The following AKT3 variants were observed in gnomAD, a reference collection of about 807,000 sequenced individuals.
The protein encoded by AKT3 is AKT serine/threonine kinase 3.
AKT3 carries 15 observed loss-of-function variants against 65.3 expected under a neutral mutation model. The observed-to-expected ratio is 0.23, with a 90% CI of 0.15 to 0.35. The LOEUF is 0.35. Ranked by LOEUF, AKT3 falls within the 10% of genes least tolerant of loss-of-function variation. The pLI, the probability that AKT3 is intolerant of heterozygous loss-of-function variation, is 1.00. For missense variants in AKT3, 243 were observed against 576.5 expected (o/e 0.42, Z 5.92); for synonymous variants, 206 against 183.8 (o/e 1.12, Z -0.98).
chr1:243,815,611 T>C (rs1383728410), intron 2 of AKT3, among the ~76,000 whole-genome samples: 2 of 147,836 alleles, frequency 1.4e-5, no homozygotes, highest in African/African-American at 5.0e-5. Context: ...CCAAAATCTA[T>C]ATTGCTTTTT....
At chr1:243,515,511 T>A (rs1670294479) in intron 12 of AKT3, among the ~76,000 whole-genome samples, 1 of 152,218 alleles carries the variant, frequency 6.6e-6, no homozygotes, top group South Asian at 2.1e-4. Context: ...ATCATTTCCT[T>A]CGTACTCTGT....
intron 2 of AKT3, among the ~76,000 whole-genome samples, chr1:243,701,888 A>C (rs1255286886): frequency 6.6e-6 from 1 of 152,124 alleles, no homozygotes; most frequent in Non-Finnish European, 1.5e-5. Context: ...AACAAGTATA[A>C]GCTCAGCTTT....
Position 243,814,995 on chromosome 1 carries a change from C to T in AKT3, c.46+28130G>A, listed in dbSNP as rs182522933. Among the ~76,000 whole-genome samples the T allele has an allele frequency of 3.9e-5, 6 of 152,256 alleles. No individual in the cohort carries two copies. The East Asian group carries it at 1.2e-3, about 29-fold the overall frequency. On this transcript the variant is annotated intron_variant, in intron 2 of 13. Coordinates refer to ENST00000673466, the MANE Select transcript of AKT3 (RefSeq NM_005465.7). ...ACTTTAAAGTCACAACTTCAAAACA[C>T]CTGGATATTTCTAAGGTCTTAAAGG... is the stretch of plus-strand genomic sequence containing the variant.
At chr1:243,643,715 A>G (rs1250208292) in intron 5 of AKT3, among the ~76,000 whole-genome samples, 1 of 152,220 alleles carries the variant, frequency 6.6e-6, no homozygotes, top group Non-Finnish European at 1.5e-5. Flanking sequence ...TAGCAGTCTG[A>G]CAACTGTCAC....
At chr1:243,556,114 T>C (rs1010234445) in intron 10 of AKT3, among the ~76,000 whole-genome samples, 3 of 152,108 alleles carry the variant, frequency 2.0e-5, no homozygotes, top group Non-Finnish European at 4.4e-5. Context: ...GTATTTCTAA[T>C]AGGAGCCAGA....
At chr1:243,616,036 G>C (rs1305348069) in intron 6 of AKT3, among the ~76,000 whole-genome samples, 1 of 151,648 alleles carries the variant, frequency 6.6e-6, no homozygotes, top group East Asian at 1.9e-4. Context: ...TTTTTCCTTT[G>C]GTTGGGGGCG....
At chr1:243,686,144 T>C (rs186511197) in intron 3 of AKT3, among the ~76,000 whole-genome samples, 3 of 152,254 alleles carry the variant, frequency 2.0e-5, no homozygotes, top group Admixed American at 1.3e-4. Context: ...TGCTCATGGA[T>C]AGAAAGGATC....
At chr1:243,631,868 C>G (rs1237304980) in intron 6 of AKT3, among the ~76,000 whole-genome samples, 1 of 152,220 alleles carries the variant, frequency 6.6e-6, no homozygotes, top group Non-Finnish European at 1.5e-5. Context: ...AGCAAATCCT[C>G]ATTTGTTCAT....
chr1:243,592,211 T>C (rs1676279693), intron 8 of AKT3, among the ~76,000 whole-genome samples: 1 of 151,866 alleles, frequency 6.6e-6, no homozygotes, highest in South Asian at 2.1e-4. Flanking sequence ...GGCAGGAGCC[T>C]GTAGTCCCAG....
intron 2 of AKT3, among the ~76,000 whole-genome samples, chr1:243,820,483 G>A (rs1288286829): frequency 6.6e-6 from 1 of 152,190 alleles, no homozygotes. Flanking sequence ...GCTTCAGAAG[G>A]TGGGTAATAA....
chr1:243,544,078 T>C (rs1672492961), intron 12 of AKT3, among the ~76,000 whole-genome samples: 1 of 151,818 alleles, frequency 6.6e-6, no homozygotes, highest in South Asian at 2.1e-4. Flanking sequence ...CAGAGAAAAA[T>C]ATGAAATGTT....
chr1:243,829,894 T>C (rs1375299975), intron 2 of AKT3, among the ~76,000 whole-genome samples: 1 of 152,194 alleles, frequency 6.6e-6, no homozygotes, highest in Non-Finnish European at 1.5e-5. Flanking sequence ...GCCCCTACAG[T>C]GACAGACTAT....
intron 5 of AKT3, among the ~76,000 whole-genome samples, chr1:243,639,114 A>C (rs1027146180): frequency 2.6e-5 from 4 of 152,190 alleles, no homozygotes; most frequent in Admixed American, 2.6e-4. Context: ...TTTTGACAAT[A>C]AAATTGACAC....
At chr1:243,641,887 G>C (rs890231561) in intron 5 of AKT3, among the ~76,000 whole-genome samples, 1 of 152,086 alleles carries the variant, frequency 6.6e-6, no homozygotes, top group African/African-American at 2.4e-5. Context: ...AGTGAGTCAC[G>C]ATTGTGCCAC....
intron 12 of AKT3, among the ~76,000 whole-genome samples, chr1:243,528,408 T>C (rs970188176): frequency 6.6e-6 from 1 of 152,198 alleles, no homozygotes; most frequent in African/African-American, 2.4e-5. Context: ...GGTGTACATG[T>C]CATTCCATCA....
intron 2 of AKT3, among the ~76,000 whole-genome samples, chr1:243,770,286 G>T (rs1234392810): frequency 1.3e-5 from 2 of 151,962 alleles, no homozygotes; most frequent in African/African-American, 2.4e-5. Flanking sequence ...AGAATTTCTG[G>T]GGTAGGAAAA....
intron 2 of AKT3, among the ~76,000 whole-genome samples, chr1:243,698,461 T>C (rs1040139758): frequency 6.6e-6 from 1 of 152,108 alleles, no homozygotes. Flanking sequence ...TTTCCCTCTA[T>C]GTACATCCTC....
At chr1:243,779,016 A>T (rs1435509214) in intron 2 of AKT3, among the ~76,000 whole-genome samples, 1 of 151,920 alleles carries the variant, frequency 6.6e-6, no homozygotes, top group African/African-American at 2.4e-5. Flanking sequence ...TTACTTAGCC[A>T]ATTTCCTATT....
At chr1:243,754,864 C>G (rs1278584827) in intron 2 of AKT3, among the ~76,000 whole-genome samples, 1 of 152,162 alleles carries the variant, frequency 6.6e-6, no homozygotes, top group African/African-American at 2.4e-5. Flanking sequence ...GCCAGGGATG[C>G]TGCTAATCAT....
Sources: allele counts gnomAD v4.1 joint callset (sites outside exome capture counted in the v4.1 genomes callset), GRCh38; gene constraint gnomAD v4.1.1; transcripts MANE v1.5; gene names NCBI Gene and HGNC (gene_info 2026-07-23, HGNC 2026-07-21).